EPB41L5: variants seen among roughly 807,000 people sequenced by gnomAD.
The protein encoded by EPB41L5 is erythrocyte membrane protein band 4.1 like 5, also known as band 4.1-like protein 5.
Under a neutral mutation model 106.6 loss-of-function variants are expected in EPB41L5, and 55 were observed. The ratio of observed to expected loss-of-function variants is 0.52; its 90% CI spans 0.42 to 0.65. EPB41L5 has a LOEUF of 0.65. Ranked by LOEUF, EPB41L5 falls within the 30% of genes least tolerant of loss-of-function variation. EPB41L5 has a pLI of 0.00. For missense variants in EPB41L5, 871 were observed against 882.1 expected, an observed-to-expected ratio of 0.99 and a Z score of 0.16; for synonymous variants, 297 against 306.7, an observed-to-expected ratio of 0.97 and a Z score of 0.33.
chr2:120,087,022 T>C lies in EPB41L5; in HGVS notation c.804-149T>C, dbSNP rs117737437. The C allele has an allele frequency of 2.6e-4, 142 of 546,472 alleles. No homozygotes were observed. In the East Asian group the frequency reaches 4.1e-3, roughly 16 times the overall value. 33.9% of individuals were successfully genotyped at this position (546,472 alleles called of 1,614,324 possible). ...ACTGTGTTTTTCTGTTTCCTGTCTT[T>C]TGATGGGCATTGCAAGTTACGTTTA... On this transcript the variant is annotated intron_variant, in intron 10 of 24. Transcript: ENST00000263713.
chr2:120,104,128 C>G lies in EPB41L5; in HGVS notation c.1337+3314C>G, dbSNP rs764220728. The G allele has an allele frequency of 1.4e-5, 21 of 1,536,076 alleles. 1 individual carries two copies. The South Asian group carries it at 2.5e-4, about 18-fold the overall frequency. ...TGGAACACAAGGGCCTTGCCCCCAC[C>G]CCAGACCGCACATAGAAACTACACT... On this transcript the variant is annotated intron_variant, in intron 16 of 24. Coordinates refer to ENST00000263713, the MANE Select transcript of EPB41L5 (RefSeq NM_020909.4).
At chr2:120,097,076 A>G (rs1683803392) in intron 14 of EPB41L5, among the ~76,000 whole-genome samples, 1 of 152,262 alleles carries the variant, frequency 6.6e-6, no homozygotes, top group African/African-American at 2.4e-5. Context: ...ATGAATATAT[A>G]TAGTGCCTGT....
intron 10 of EPB41L5, among the ~76,000 whole-genome samples, chr2:120,082,557 C>T (rs1199763115): frequency 6.6e-6 from 1 of 152,000 alleles, no homozygotes; most frequent in Non-Finnish European, 1.5e-5. Flanking sequence ...GGATATTGGT[C>T]TAAAATTCTC....
At chr2:120,101,462 G>A (rs1684135769) in intron 16 of EPB41L5, 1 of 152,202 alleles carries the variant, frequency 6.6e-6, no homozygotes, top group African/African-American at 2.4e-5. Flanking sequence ...GTGGCTTGGT[G>A]GGGGCTCCTT....
At chr2:120,042,995 A>ATTTGTGTG (rs1491151741) in intron 3 of EPB41L5, among the ~76,000 whole-genome samples, 10 of 70,030 alleles carry the variant, frequency 1.4e-4, no homozygotes, top group African/African-American at 3.3e-4. Context: ...TTTTCTGGAA[A>ATTTGTGTG]TGTGTGTGTG....
At chr2:120,065,167 G>A (rs1334024205) in intron 3 of EPB41L5, among the ~76,000 whole-genome samples, 1 of 152,068 alleles carries the variant, frequency 6.6e-6, no homozygotes, top group East Asian at 1.9e-4. Context: ...CGCCCAGGCT[G>A]GAGTACAGTA....
At chr2:120,055,475 T>C (rs1680582536) in intron 3 of EPB41L5, among the ~76,000 whole-genome samples, 1 of 146,338 alleles carries the variant, frequency 6.8e-6, no homozygotes, top group African/African-American at 2.6e-5. Context: ...CTGTATTAGG[T>C]TTTTAATTTT....
chr2:120,132,935 A>G (rs899357467), intron 18 of EPB41L5, among the ~76,000 whole-genome samples: 18 of 152,122 alleles, frequency 1.2e-4, no homozygotes, highest in Non-Finnish European at 2.4e-4. Flanking sequence ...TTGAACAGCT[A>G]CTTGTTTCTT....
At chr2:120,102,027 A>G (rs1684172374) in intron 16 of EPB41L5, among the ~76,000 whole-genome samples, 1 of 152,206 alleles carries the variant, frequency 6.6e-6, no homozygotes, top group African/African-American at 2.4e-5. Flanking sequence ...TGGAAAACAC[A>G]GCTCCTGTAA....
At chr2:120,127,203 C>A (rs1042418786) in intron 16 of EPB41L5, among the ~76,000 whole-genome samples, 1 of 151,990 alleles carries the variant, frequency 6.6e-6, no homozygotes, top group Non-Finnish European at 1.5e-5. Context: ...GAGGGCAGAC[C>A]AGTCCCTTTC....
At chr2:120,018,087 G>A (rs1190679514) in intron 1 of EPB41L5, among the ~76,000 whole-genome samples, 5 of 150,880 alleles carry the variant, frequency 3.3e-5, no homozygotes, top group African/African-American at 1.2e-4. Flanking sequence ...TCAGCCTCCC[G>A]GTAGCTGGGA....
intron 18 of EPB41L5, among the ~76,000 whole-genome samples, chr2:120,141,436 G>T (rs1367813048): frequency 1.3e-5 from 2 of 152,102 alleles, no homozygotes; most frequent in African/African-American, 4.8e-5. Flanking sequence ...GACAGACTGG[G>T]TTTAAGAACA....
In EPB41L5 at chr2:120,100,835, A is replaced by C. The variant is rs774436555; in HGVS notation, c.1337+21A>C. The C allele has an allele frequency of 2.1e-6, 3 of 1,445,492 alleles. No homozygotes were observed. The South Asian group carries it at 3.6e-5, about 18-fold the overall frequency. The allele number at this position is 1,445,492 out of a possible 1,614,324, so 89.5% of individuals were successfully genotyped here. A position where few individuals can be genotyped will look rare whatever the true frequency, so the allele number is the denominator to read the frequency against. On this transcript the variant is annotated intron_variant, in intron 16 of 24. Coordinates refer to ENST00000263713, the MANE Select transcript of EPB41L5 (RefSeq NM_020909.4). ...AAATGGTTTGTTAATTCCTTAAACT[A>C]AAATAAAATATTGCCTAGTTAATTG...
At chr2:120,015,159 T>TA (rs568384524) in intron 1 of EPB41L5, among the ~76,000 whole-genome samples, 2,622 of 151,022 alleles carry the variant, frequency 0.017, 42 homozygotes, top group Non-Finnish European at 0.026. Context: ...CCGCCTCTAC[T>TA]AAAAAAAATA....
At position 120,075,734 on chromosome 2, in the gene EPB41L5, G is replaced by C. The variant is rs779649161; in HGVS notation, c.486G>C (p.Leu162Phe). 6.2e-7 allele frequency: 1 copy of C among 1,613,498 alleles called. No homozygotes were observed. Among genetic ancestry groups the C allele is most frequent in the African/African-American group, 1.3e-5 (1 of 75,018 alleles). Residue 162 changes from leucine (L) to phenylalanine (F), a missense_variant, in exon 7 of 25, where the codon TTG becomes TTC. Physicochemically the swap from Leu to Phe is conservative, Grantham distance 22. Transcript: ENST00000263713. ...GTCCCTTTGATACAGCAGTGCAATT[G>C]GCAGCTTATAATCTGCAAGGTAAGC... is the stretch of plus-strand genomic sequence containing the variant. ...LDCPFDTAVQ[L>F]AAYNLQAELG...
At position 120,093,260 on chromosome 2, in the gene EPB41L5, A is replaced by G. The variant is rs556623813; in HGVS notation, c.1162A>G (p.Lys388Glu). Residue 388 changes from lysine (K) to glutamate (E), a missense_variant, in exon 14 of 25, where the codon AAA (lysine) becomes GAA (glutamate). By Grantham distance (56) the Lys-to-Glu change is moderately conservative. Coordinates refer to ENST00000263713, the MANE Select transcript of EPB41L5 (RefSeq NM_020909.4). ...TTTTCTTCTGTTAGCATGTGCTACA[A>G]AACCTGAAGAACTTAGGTAAGTAAT... ...RTLQMKACATKPEELSVHNNV... is the reference protein window; with the variant it reads ...RTLQMKACATEPEELSVHNNV... The G allele has an allele frequency of 3.1e-6, 5 of 1,613,720 alleles. No individual in the cohort carries two copies. In the African/African-American group the frequency reaches 6.7e-5, roughly 21 times the overall value.
intron 10 of EPB41L5, among the ~76,000 whole-genome samples, chr2:120,079,676 T>G (rs1289604868): frequency 6.6e-6 from 1 of 152,186 alleles, no homozygotes; most frequent in Non-Finnish European, 1.5e-5. Context: ...TCCTTTCTTT[T>G]TAGCTATTTG....
At chr2:120,090,298 G>A (rs1485160182) in intron 11 of EPB41L5, 49 bp from the exon 12 acceptor site, 5 of 1,451,914 alleles carry the variant, frequency 3.4e-6, no homozygotes, top group Non-Finnish European at 4.7e-6. Context: ...TAGGAGATAG[G>A]ACTGTTTGAA....
At chr2:120,160,712 G>A in intron 20 of EPB41L5, 169 bp from the exon 21 acceptor site, 1 of 583,710 alleles carries the variant, frequency 1.7e-6, no homozygotes, top group Non-Finnish European at 3.1e-6. Context: ...GGAGCGAGAT[G>A]ATGTCTCATC....
Sources: allele counts gnomAD v4.1 joint callset (sites outside exome capture counted in the v4.1 genomes callset), GRCh38; gene constraint gnomAD v4.1.1; transcripts MANE v1.5; gene names NCBI Gene and HGNC (gene_info 2026-07-23, HGNC 2026-07-21).